Variants in SLC25A21 observed in about 807,000 individuals in gnomAD.
SLC25A21 encodes the protein solute carrier family 25 member 21.
SLC25A21 carries 47 observed loss-of-function variants against 43.8 expected under a neutral mutation model. The ratio of observed to expected loss-of-function variants is 1.07; its 90% CI spans 0.85 to 1.37. SLC25A21 has a LOEUF of 1.37. Ranked by LOEUF, SLC25A21 falls within the 40% of genes most tolerant of loss-of-function variation. The pLI, the probability that SLC25A21 is intolerant of heterozygous loss-of-function variation, is 0.00. For missense variants in SLC25A21, 352 were observed against 350.2 expected (o/e 1.00, Z -0.04); for synonymous variants, 131 against 121.3 (o/e 1.08, Z -0.52).
At chr14:37,078,649 A>T (rs1384774839) in intron 1 of SLC25A21, among the ~76,000 whole-genome samples, 1 of 152,216 alleles carries the variant, frequency 6.6e-6, no homozygotes, top group Non-Finnish European at 1.5e-5. Flanking sequence ...CAGAATATAA[A>T]GATCCCTATC....
intron 2 of SLC25A21, among the ~76,000 whole-genome samples, chr14:36,873,835 G>A (rs961300353): frequency 6.6e-6 from 1 of 152,118 alleles, no homozygotes; most frequent in African/African-American, 2.4e-5. Context: ...TGTCATGTAA[G>A]TATACAGCAA....
intron 1 of SLC25A21, among the ~76,000 whole-genome samples, chr14:37,098,778 C>T (rs77305159): frequency 0.077 from 8,819 of 115,260 alleles, 524 homozygotes; most frequent in African/African-American, 0.19. Context: ...GACAGACAGA[C>T]AGACAGACAG....
rs74243635 is a variant in SLC25A21 at position 36,705,375 on chromosome 14, C to T, written c.603+5943G>A. On this transcript the variant is annotated intron_variant, in intron 7 of 9. Transcript: ENST00000331299. ...CTGTTTTAAGTTCCTATTTTACGTC[C>T]GCAAACATAGCCTTAGAATTAAGTA... Among the ~76,000 whole-genome samples, 84 of 152,118 alleles carry T rather than the reference C, an allele frequency of 5.5e-4. 1 individual carries two copies. In the East Asian group the frequency reaches 9.9e-3, roughly 18 times the overall value.
intron 1 of SLC25A21, among the ~76,000 whole-genome samples, chr14:37,045,557 A>G (rs1445130092): frequency 1.3e-5 from 2 of 152,242 alleles, no homozygotes; most frequent in Admixed American, 6.5e-5. Context: ...CAGCGACTCA[A>G]AGTAATGAGC....
At chr14:37,060,921 C>T (rs560482284) in intron 1 of SLC25A21, among the ~76,000 whole-genome samples, 1 of 152,236 alleles carries the variant, frequency 6.6e-6, no homozygotes, top group South Asian at 2.1e-4. Context: ...ATTTGAACAT[C>T]CAGGGGACGT....
chr14:36,755,722 T>A (rs1364468087), intron 3 of SLC25A21, among the ~76,000 whole-genome samples: 4 of 152,194 alleles, frequency 2.6e-5, no homozygotes, highest in African/African-American at 7.2e-5. Flanking sequence ...ATAAGAGGAA[T>A]CAAAAACAGA....
rs572270403 is a variant in SLC25A21 at position 37,163,626 on chromosome 14, C to A, written c.70+8655G>T. Among the ~76,000 whole-genome samples, 5 of 152,164 alleles carry A rather than the reference C, an allele frequency of 3.3e-5. No homozygotes were observed. In the South Asian group the frequency reaches 1.0e-3, roughly 32 times the overall value. On this transcript the variant is annotated intron_variant, in intron 1 of 9. Transcript: ENST00000331299. ...CTAGTACAACTGTAAAAATACTGCA[C>A]CTTTAACCTGGTTCCTTTCATTCAT...
intron 7 of SLC25A21, among the ~76,000 whole-genome samples, chr14:36,695,168 A>C (rs1212126013): frequency 6.6e-6 from 1 of 152,152 alleles, no homozygotes; most frequent in African/African-American, 2.4e-5. Flanking sequence ...TAAATAGGGA[A>C]TCCTTTCCCC....
chr14:36,745,623 TTGGCTGCATAAATG>T (rs1377334761), intron 3 of SLC25A21, among the ~76,000 whole-genome samples: 3 of 152,232 alleles, frequency 2.0e-5, no homozygotes, highest in Non-Finnish European at 4.4e-5. Context: ...CATATGTCTG[TTGGCTGCATAAATG>T]TCTTCTTTTG....
Position 36,680,259 on chromosome 14 carries a change from TTG to T in SLC25A21, c.*397_*398del, listed in dbSNP as rs553210941. 60 of 953,254 alleles carry T rather than the reference TTG, an allele frequency of 6.3e-5. No homozygotes were observed. Among genetic ancestry groups the T allele is most frequent in the Non-Finnish European group, 7.1e-5 (57 of 801,520 alleles). 59.0% of individuals were successfully genotyped at this position (953,254 alleles called of 1,614,324 possible). A position where few individuals can be genotyped will look rare whatever the true frequency, so the allele number is the denominator to read the frequency against. On this transcript the variant is annotated 3_prime_UTR_variant, in exon 10 of 10. Coordinates refer to ENST00000331299, the MANE Select transcript of SLC25A21 (RefSeq NM_030631.4). ...TTTTTTAATCCAGTCTTTGAATAAT[TTG>T]ATTTATTTTCAATAGTTTAAGCATT... is the stretch of plus-strand genomic sequence containing the variant.
chr14:36,921,577 G>A (rs141631813), intron 1 of SLC25A21, among the ~76,000 whole-genome samples: 218 of 152,202 alleles, frequency 1.4e-3, no homozygotes, highest in African/African-American at 4.1e-3. Context: ...ATGACAGACC[G>A]AAAAGAGTCC....
At chr14:36,798,556 T>TG (rs1482070535) in intron 3 of SLC25A21, among the ~76,000 whole-genome samples, 193 of 124,368 alleles carry the variant, frequency 1.6e-3, no homozygotes, top group African/African-American at 5.2e-3. Flanking sequence ...AGAGCTGGGT[T>TG]TTTTTTTTTT....
intron 4 of SLC25A21, among the ~76,000 whole-genome samples, chr14:36,731,213 T>C (rs1884813030): frequency 6.6e-6 from 1 of 152,210 alleles, no homozygotes; most frequent in Admixed American, 6.5e-5. Flanking sequence ...GACCTCGTGA[T>C]CCGACCGCCT....
chr14:36,958,679 G>GCGCGCGCA lies in SLC25A21; in HGVS notation c.71-83676_71-83675insTGCGCGCG, dbSNP rs1399246300. On this transcript the variant is annotated intron_variant, in intron 1 of 9. Transcript: ENST00000331299. Reference sequence around the variant, plus strand: ...TAGAGATGTACACATAAGCACACGTGCACACACACACACACACACACACAC... The same window carrying GCGCGCGCA: ...TAGAGATGTACACATAAGCACACGTGCGCGCGCACACACACACACACACACACACACAC... Among the ~76,000 whole-genome samples the GCGCGCGCA allele has an allele frequency of 9.5e-3, 1,298 of 136,974 alleles. 8 individuals carry two copies. Among genetic ancestry groups the GCGCGCGCA allele is most frequent in the Non-Finnish European group, 0.013 (811 of 61,094 alleles). 89.9% of individuals were successfully genotyped at this position (136,974 alleles called of 152,430 possible). A position where few individuals can be genotyped will look rare whatever the true frequency, so the allele number is the denominator to read the frequency against.
chr14:37,066,040 C>G lies in SLC25A21; in HGVS notation c.70+106241G>C, dbSNP rs552424184. Reference sequence around the variant, plus strand: ...ATTCGTATAATCTTAAAGTGCGAACCCACAAGCTGCTTATTAGTTTCAAGA... The same window carrying G: ...ATTCGTATAATCTTAAAGTGCGAACGCACAAGCTGCTTATTAGTTTCAAGA... On this transcript the variant is annotated intron_variant, in intron 1 of 9. Transcript: ENST00000331299. Among the ~76,000 whole-genome samples the G allele has an allele frequency of 3.3e-5, 5 of 152,132 alleles. No individual in the cohort carries two copies. The South Asian group carries it at 6.2e-4, about 19-fold the overall frequency.
intron 1 of SLC25A21, among the ~76,000 whole-genome samples, chr14:37,047,834 T>A (rs1423269611): frequency 1.3e-5 from 2 of 152,222 alleles, no homozygotes; most frequent in East Asian, 3.9e-4. Context: ...ACCCACTCCA[T>A]GCCATCCTCC....
intron 1 of SLC25A21, among the ~76,000 whole-genome samples, chr14:36,971,964 T>C (rs1248770618): frequency 6.6e-6 from 1 of 152,196 alleles, no homozygotes; most frequent in Non-Finnish European, 1.5e-5. Context: ...GATTACTTTT[T>C]AATTGTGTGT....
At chr14:36,897,065 C>T (rs1466123383) in intron 1 of SLC25A21, among the ~76,000 whole-genome samples, 1 of 152,134 alleles carries the variant, frequency 6.6e-6, no homozygotes, top group Non-Finnish European at 1.5e-5. Flanking sequence ...CTCTGTATTT[C>T]CTGAATTAGA....
chr14:37,113,080 G>A (rs891135938), intron 1 of SLC25A21, among the ~76,000 whole-genome samples: 2 of 152,098 alleles, frequency 1.3e-5, no homozygotes, highest in African/African-American at 2.4e-5. Context: ...CACACTAAGA[G>A]AGCTTCGTAA....
Sources: allele counts gnomAD v4.1 joint callset (sites outside exome capture counted in the v4.1 genomes callset), GRCh38; gene constraint gnomAD v4.1.1; transcripts MANE v1.5; gene names NCBI Gene and HGNC (gene_info 2026-07-23, HGNC 2026-07-21).